Variants in ZNF841 observed in about 807,000 individuals in gnomAD.
The protein encoded by ZNF841 is zinc finger protein 841, also known as TCONS_00006091.
ZNF841 carries 11 observed loss-of-function variants against 13.0 expected under a neutral mutation model. The observed-to-expected ratio is 0.85, with a 90% CI of 0.53 to 1.40. The LOEUF (loss-of-function observed/expected upper bound fraction) is 1.40, where lower values mean the gene tolerates loss of function less well. Ranked by LOEUF, ZNF841 falls within the 40% of genes most tolerant of loss-of-function variation. The pLI is 0.00. For missense variants in ZNF841, 1,068 were observed against 1,139.5 expected (o/e 0.94, Z 0.90); for synonymous variants, 369 against 381.6 (o/e 0.97, Z 0.38).
chr19:52,065,626 C>T lies in ZNF841; in HGVS notation c.2256G>A (p.Leu752=). ...CAGTATGAATTCTCCGATGCCTTGC[C>T]AGGGTTGTAGTGGAGTTAAAGACTT... The part of the protein sequence containing the change: ...CGKVFNSTTT[L]ARHRRIHTGE... The change falls in exon 7 of 7, where the codon CTG becomes CTA. Residue 752 remains leucine (L), a synonymous_variant. Coordinates refer to ENST00000594440, the MANE Select transcript of ZNF841 (RefSeq NM_001136499.2). 1 of 1,609,128 alleles carries T rather than the reference C, an allele frequency of 6.2e-7. No individual in the cohort carries two copies. Among genetic ancestry groups the T allele is most frequent in the Middle Eastern group, 1.7e-4 (1 of 6,056 alleles).
chr19:52,077,808 G>T (rs556456458), intron 4 of ZNF841, among the ~76,000 whole-genome samples: 2 of 152,332 alleles, frequency 1.3e-5, no homozygotes, highest in South Asian at 4.2e-4. Flanking sequence ...CAACAGAAAT[G>T]TATTTCTCAT....
At chr19:52,074,079 T>A (rs2087819757) in intron 6 of ZNF841, among the ~76,000 whole-genome samples, 1 of 152,200 alleles carries the variant, frequency 6.6e-6, no homozygotes. Context: ...GTAAAAGGAA[T>A]AACTGATACT....
chr19:52,083,439 A>G (rs933694785), intron 4 of ZNF841, among the ~76,000 whole-genome samples: 1 of 152,160 alleles, frequency 6.6e-6, no homozygotes, highest in East Asian at 1.9e-4. Flanking sequence ...AAAAAAAAAA[A>G]AAATACTACT....
intron 6 of ZNF841, 56 bp downstream of exon 6, chr19:52,075,988 G>A: frequency 6.5e-7 from 1 of 1,543,566 alleles, no homozygotes; most frequent in Non-Finnish European, 8.8e-7. Context: ...CACTTGCAGA[G>A]TCTTACGCAC....
chr19:52,084,835 G>A lies in ZNF841; in HGVS notation c.-34C>T, dbSNP rs757246480. The A allele has an allele frequency of 2.5e-6, 4 of 1,606,076 alleles. No homozygotes were observed. The East Asian group carries it at 6.7e-5, about 27-fold the overall frequency. ...CCTTTTCTTTCTTCTTTCTCTCCTG[G>A]GCCTCTCTCTCAGTCAATATAATTA... On this transcript the variant is annotated 5_prime_UTR_variant, in exon 4 of 7. Transcript: ENST00000594440.
chr19:52,084,879 C>CTT lies in ZNF841; in HGVS notation c.-77-2_-77-1insAA. 6.8e-7 allele frequency: 1 copy of CTT among 1,467,060 alleles called. No homozygotes were observed. Among genetic ancestry groups the CTT allele is most frequent in the Non-Finnish European group, 9.3e-7 (1 of 1,078,994 alleles). 90.9% of individuals were successfully genotyped at this position (1,467,060 alleles called of 1,614,324 possible). On this transcript the variant is annotated splice_acceptor_variant, in intron 3 of 6. Transcript: ENST00000594440. LOFTEE classifies it low-confidence loss of function (5UTR_SPLICE). ...ATAATTAATTCTTTAAAAGTCAAAT[C>CTT]TGAAAGTCAAAAATATGTTGTTTAA...
At chr19:52,084,652 C>T in intron 4 of ZNF841, 135 bp downstream of exon 4, 1 of 916,566 alleles carries the variant, frequency 1.1e-6, no homozygotes, top group South Asian at 1.5e-5. Flanking sequence ...AAGAGAGGGA[C>T]TGAAGGAAGG....
intron 5 of ZNF841, 140 bp downstream of exon 5, chr19:52,076,818 G>T: frequency 9.9e-7 from 1 of 1,008,878 alleles, no homozygotes; most frequent in Non-Finnish European, 1.4e-6. Flanking sequence ...GCCAGATGCA[G>T]CATTATGAAG....
rs1361116135 is a variant in ZNF841 at position 52,065,292 on chromosome 19, G to C, written c.2590C>G (p.Leu864Val). ...CGKAFGRRSC[L>V]TKHQRIHSSE... ...GAATGAATTCGTTGGTGTTTAGTGAGGCAAGACCGCCGCCCAAACGCCTTG... is the reference window on the plus strand; with the variant it reads ...GAATGAATTCGTTGGTGTTTAGTGACGCAAGACCGCCGCCCAAACGCCTTG... The change falls in exon 7 of 7, where the codon CTC (leucine) becomes GTC (valine). Residue 864 changes from leucine to valine, a missense_variant. Coordinates refer to ENST00000594440, the MANE Select transcript of ZNF841 (RefSeq NM_001136499.2). 3.1e-6 allele frequency: 5 copies of C among 1,613,460 alleles called. No homozygotes were observed. Among genetic ancestry groups the C allele is most frequent in the Non-Finnish European group, 4.2e-6 (5 of 1,179,700 alleles).
At chr19:52,078,019 G>A (rs543625246) in intron 4 of ZNF841, among the ~76,000 whole-genome samples, 8 of 152,322 alleles carry the variant, frequency 5.3e-5, no homozygotes, top group African/African-American at 1.9e-4. Context: ...TAGGCTAGGC[G>A]TGGTGGCTCA....
At chr19:52,059,390 TAC>T in the ZNF841 span, among the ~76,000 whole-genome samples, 810 of 96,096 alleles carry the variant, frequency 8.4e-3, 6 homozygotes, top group African/African-American at 0.014. Context: ...TATATATATA[TAC>T]ACACACACAC....
rs556188848 is a variant in ZNF841, at chr19:52,069,234, G to A, written c.272-1624C>T. On this transcript the variant is annotated intron_variant, in intron 6 of 6. Transcript: ENST00000594440. ...ACCACAGATGCATGCCATCATGCCC[G>A]GTTAATTTTTTTGTAGTTTTGGTAG... Among the ~76,000 whole-genome samples the A allele has an allele frequency of 1.1e-4, 17 of 152,096 alleles. No individual in the cohort carries two copies. In the South Asian group the frequency reaches 2.9e-3, roughly 26 times the overall value.
At chr19:52,084,961 C>T in intron 3 of ZNF841, 83 bp from the exon 4 acceptor site, 2 of 725,988 alleles carry the variant, frequency 2.8e-6, no homozygotes, top group Non-Finnish European at 4.4e-6. Flanking sequence ...GGGAAGGCCT[C>T]AGCATGTGGA....
chr19:52,091,419 C>T (rs1376531134), intron 2 of ZNF841, among the ~76,000 whole-genome samples: 1 of 152,160 alleles, frequency 6.6e-6, no homozygotes, highest in East Asian at 1.9e-4. Flanking sequence ...ATGCTAGAGG[C>T]ATCATACTTT....
downstream of ZNF841, among the ~76,000 whole-genome samples, chr19:52,062,861 C>G (rs1211862635): frequency 6.7e-6 from 1 of 148,234 alleles, no homozygotes; most frequent in Admixed American, 6.9e-5. Flanking sequence ...AACATGGAAT[C>G]TGTTGAGAAA....
At chr19:52,087,925 C>A (rs1047096907) in intron 3 of ZNF841, among the ~76,000 whole-genome samples, 3 of 151,784 alleles carry the variant, frequency 2.0e-5, no homozygotes, top group African/African-American at 7.3e-5. Flanking sequence ...TTCAATGATG[C>A]ACACATGCCC....
chr19:52,091,375 A>T (rs1397438771), intron 2 of ZNF841, among the ~76,000 whole-genome samples: 1 of 152,208 alleles, frequency 6.6e-6, no homozygotes, highest in Non-Finnish European at 1.5e-5. Flanking sequence ...ACCACAAAAA[A>T]CTCCAAAGAG....
At chr19:52,070,562 C>T (rs2087709978) in intron 6 of ZNF841, among the ~76,000 whole-genome samples, 1 of 152,190 alleles carries the variant, frequency 6.6e-6, no homozygotes, top group African/African-American at 2.4e-5. Context: ...CTCCAGCAAA[C>T]CTTCTGTCAG....
At chr19:52,068,728 T>C (rs952627869) in intron 6 of ZNF841, among the ~76,000 whole-genome samples, 1 of 150,242 alleles carries the variant, frequency 6.7e-6, no homozygotes, top group African/African-American at 2.5e-5. Flanking sequence ...CCCAGCATTT[T>C]GAGAGGCCAA....
Sources: gnomAD v4.1 joint callset for allele counts (sites outside exome capture counted in the v4.1 genomes callset) on GRCh38, gnomAD v4.1.1 for gene constraint, MANE v1.5 for transcripts, NCBI Gene and HGNC (gene_info 2026-07-23, HGNC 2026-07-21) for gene names.